Variants in SYT1 observed in about 807,000 individuals in gnomAD.
SYT1 encodes synaptotagmin-1.
SYT1 carries 8 observed loss-of-function variants against 44.8 expected under a neutral mutation model. The ratio of observed to expected loss-of-function variants is 0.18; its 90% CI spans 0.10 to 0.32. The LOEUF is 0.32. SYT1 is among the 10% of genes least tolerant of loss of function. SYT1 has a pLI of 1.00. For missense variants in SYT1, 286 were observed against 509.3 expected (o/e 0.56, Z 4.22); for synonymous variants, 154 against 188.8 (o/e 0.82, Z 1.51).
chr12:78,931,403 GAGA>G (rs1488118218), intron 1 of SYT1, among the ~76,000 whole-genome samples: 1 of 96,358 alleles, frequency 1.0e-5, no homozygotes, highest in East Asian at 6.3e-4. Flanking sequence ...GAAGGGAGGA[GAGA>G]GGAAGGAAGG....
At chr12:79,139,493 A>G (rs1869420511) in intron 3 of SYT1, among the ~76,000 whole-genome samples, 1 of 152,242 alleles carries the variant, frequency 6.6e-6, no homozygotes, top group Admixed American at 6.5e-5. Flanking sequence ...GCTTATAAAT[A>G]TAAAGGAGTA....
chr12:78,892,274 C>A (rs1267762199), intron 1 of SYT1, among the ~76,000 whole-genome samples: 1 of 151,766 alleles, frequency 6.6e-6, no homozygotes, highest in Non-Finnish European at 1.5e-5. Flanking sequence ...AAACAACCTA[C>A]CTACTACCTA....
intron 1 of SYT1, among the ~76,000 whole-genome samples, chr12:78,945,898 T>C (rs1447873968): frequency 6.6e-6 from 1 of 152,160 alleles, no homozygotes; most frequent in Non-Finnish European, 1.5e-5. Flanking sequence ...TAAGATTCTT[T>C]AGCCTTGTAG....
chr12:79,209,222 C>T (rs1230466921), intron 3 of SYT1, among the ~76,000 whole-genome samples: 2 of 152,190 alleles, frequency 1.3e-5, no homozygotes, highest in African/African-American at 2.4e-5. Flanking sequence ...GACATTCAAA[C>T]ATCTGCAAAC....
chr12:79,316,969 T>G (rs1881118676), intron 8 of SYT1, among the ~76,000 whole-genome samples: 1 of 152,228 alleles, frequency 6.6e-6, no homozygotes, highest in Admixed American at 6.5e-5. Context: ...TTAAATATTA[T>G]TGAAAAAATG....
intron 3 of SYT1, among the ~76,000 whole-genome samples, chr12:79,107,772 A>C (rs1283401162): frequency 1.3e-5 from 2 of 152,008 alleles, no homozygotes; most frequent in Admixed American, 1.3e-4. Flanking sequence ...TGTATCACTG[A>C]TGACTGCTTA....
intron 3 of SYT1, among the ~76,000 whole-genome samples, chr12:79,143,768 C>T (rs940270798): frequency 2.0e-5 from 3 of 152,106 alleles, no homozygotes; most frequent in African/African-American, 7.2e-5. Context: ...TCCTCTACTT[C>T]CCCCCTTAAA....
chr12:79,392,748 A>G (rs1179110428), intron 9 of SYT1: 5 of 129,346 alleles, frequency 3.9e-5, no homozygotes, highest in Admixed American at 2.5e-4. Flanking sequence ...TGAAGAGGCA[A>G]TCCTGAAAGC....
intron 8 of SYT1, among the ~76,000 whole-genome samples, chr12:79,301,800 A>T (rs1880165431): frequency 1.3e-5 from 2 of 152,102 alleles, no homozygotes; most frequent in Admixed American, 6.6e-5. Context: ...ACACTCGTAA[A>T]ACTCTAGAGA....
intron 3 of SYT1, among the ~76,000 whole-genome samples, chr12:79,162,366 C>T (rs1424813148): frequency 6.6e-6 from 1 of 152,132 alleles, no homozygotes; most frequent in Non-Finnish European, 1.5e-5. Flanking sequence ...AAATGCACTT[C>T]AAAAGATGAC....
intron 2 of SYT1, among the ~76,000 whole-genome samples, chr12:79,015,910 G>A (rs1871776332): frequency 6.6e-6 from 1 of 152,122 alleles, no homozygotes; most frequent in South Asian, 2.1e-4. Flanking sequence ...AAATGACTTT[G>A]CCAAGGTTGC....
At position 79,142,270 on chromosome 12, in the gene SYT1, G is replaced by A. The variant is rs530705767; in HGVS notation, c.-17-75233G>A. Among the ~76,000 whole-genome samples, 7 of 152,334 alleles carry A rather than the reference G, an allele frequency of 4.6e-5. No individual in the cohort carries two copies. The East Asian group carries it at 5.8e-4, about 13-fold the overall frequency. ...GGGATCCCTGTGGTGCCAGGTAAGC[G>A]TCTCACCTTCACTACTAATGCTCTA... On this transcript the variant is annotated intron_variant, in intron 3 of 10. Coordinates refer to ENST00000261205, the MANE Select transcript of SYT1 (RefSeq NM_005639.3).
intron 4 of SYT1, among the ~76,000 whole-genome samples, chr12:79,241,135 C>G (rs1283805079): frequency 6.6e-6 from 1 of 152,156 alleles, no homozygotes; most frequent in African/African-American, 2.4e-5. Flanking sequence ...GATAGTGCCA[C>G]TGCACTTCAG....
intron 9 of SYT1, among the ~76,000 whole-genome samples, chr12:79,412,389 G>A (rs770382020): frequency 4.6e-5 from 7 of 152,132 alleles, no homozygotes; most frequent in Middle Eastern, 3.2e-3. Flanking sequence ...GCATGCTTCA[G>A]CCCATTCGCC....
intron 3 of SYT1, among the ~76,000 whole-genome samples, chr12:79,114,258 G>A (rs1327780904): frequency 6.6e-6 from 1 of 152,134 alleles, no homozygotes; most frequent in Non-Finnish European, 1.5e-5. Context: ...AAAAATAAGT[G>A]CAGTAATTCA....
intron 1 of SYT1, among the ~76,000 whole-genome samples, chr12:78,914,338 A>G (rs1446831385): frequency 6.6e-6 from 1 of 151,874 alleles, no homozygotes; most frequent in African/African-American, 2.4e-5. Context: ...CTGGGACTAG[A>G]AACACAATGG....
intron 1 of SYT1, among the ~76,000 whole-genome samples, chr12:78,903,321 T>G (rs1026653759): frequency 2.0e-5 from 3 of 151,810 alleles, no homozygotes; most frequent in African/African-American, 7.3e-5. Context: ...AGTCTCACTG[T>G]GTCGCTCAGG....
intron 4 of SYT1, among the ~76,000 whole-genome samples, chr12:79,283,734 G>T (rs1463946495): frequency 6.6e-6 from 1 of 152,018 alleles, no homozygotes; most frequent in African/African-American, 2.4e-5. Context: ...TACTTTTTAT[G>T]TAATCTTTAC....
At chr12:79,211,646 T>C (rs1481230473) in intron 3 of SYT1, among the ~76,000 whole-genome samples, 1 of 142,330 alleles carries the variant, frequency 7.0e-6, no homozygotes, top group African/African-American at 2.6e-5. Flanking sequence ...TGTGTCCATG[T>C]GATCTCATTG....
Sources: gnomAD v4.1 joint callset for allele counts (sites outside exome capture counted in the v4.1 genomes callset) on GRCh38, gnomAD v4.1.1 for gene constraint, MANE v1.5 for transcripts, NCBI Gene and HGNC (gene_info 2026-07-23, HGNC 2026-07-21) for gene names.